Variants in TSHZ2 observed in about 807,000 individuals in gnomAD.
TSHZ2 encodes teashirt zinc finger homeobox 2, also known as teashirt homolog 2.
TSHZ2 carries 21 observed loss-of-function variants against 74.4 expected under a neutral mutation model. The ratio of observed to expected loss-of-function variants is 0.28; its 90% confidence interval spans 0.20 to 0.41. The LOEUF is 0.41. TSHZ2 is among the 10% of genes least tolerant of loss of function. The probability of loss-of-function intolerance (pLI) is 1.00; values close to 1 mark genes in which losing one functional copy is unlikely to be tolerated. For synonymous variants in TSHZ2, 540 were observed against 515.3 expected (o/e 1.05, Z -0.65); for missense variants, 1,244 against 1,293.5 (o/e 0.96, Z 0.59).
chr20:53,473,654 GGAGAAT>G (rs1336568284), intron 2 of TSHZ2, among the ~76,000 whole-genome samples: 2 of 150,728 alleles, frequency 1.3e-5, no homozygotes, highest in African/African-American at 4.9e-5. Context: ...AAAGCTGGAT[GGAGAAT>G]GACTTTGACG....
At chr20:53,432,712 G>A (rs967523082) in intron 2 of TSHZ2, among the ~76,000 whole-genome samples, 4 of 152,006 alleles carry the variant, frequency 2.6e-5, no homozygotes, top group African/African-American at 9.7e-5. Flanking sequence ...TAATCATCAG[G>A]GAAAAGCAAA....
intron 1 of TSHZ2, among the ~76,000 whole-genome samples, chr20:53,024,267 CA>C (rs1019029075): frequency 5.9e-5 from 9 of 151,948 alleles, no homozygotes; most frequent in African/African-American, 2.2e-4. Flanking sequence ...TTGACGTTTT[CA>C]GGGGAAACCA....
At chr20:53,384,763 T>A (rs1202564628) in intron 2 of TSHZ2, among the ~76,000 whole-genome samples, 1 of 152,260 alleles carries the variant, frequency 6.6e-6, no homozygotes, top group Non-Finnish European at 1.5e-5. Context: ...AGTGGTTTTT[T>A]TAGACATCAA....
rs556780288 is a variant in TSHZ2, at chr20:53,235,334, A to T, written c.41-18165A>T. ...AGGCGTGGACCACCATACCCAGCCAATTTTTTTGTATTTTTAGTAGAGACG... is the reference window on the plus strand; with the variant it reads ...AGGCGTGGACCACCATACCCAGCCATTTTTTTTGTATTTTTAGTAGAGACG... On this transcript the variant is annotated intron_variant, in intron 1 of 2. Transcript: ENST00000371497. Among the ~76,000 whole-genome samples, 4 of 151,232 alleles carry T rather than the reference A, an allele frequency of 2.6e-5. No individual in the cohort carries two copies. The South Asian group carries it at 8.4e-4, about 32-fold the overall frequency.
chr20:53,220,685 G>T (rs1989534269), intron 1 of TSHZ2, among the ~76,000 whole-genome samples: 1 of 152,182 alleles, frequency 6.6e-6, no homozygotes, highest in Non-Finnish European at 1.5e-5. Context: ...AAAGCTTGCT[G>T]ACTGCTCCCG....
At chr20:53,005,939 G>A (rs1982628243) in intron 1 of TSHZ2, among the ~76,000 whole-genome samples, 1 of 151,976 alleles carries the variant, frequency 6.6e-6, no homozygotes, top group African/African-American at 2.4e-5. Flanking sequence ...TAGCTTTAAA[G>A]GCATCAAGTT....
rs756510957 is a variant in TSHZ2 at position 53,255,416 on chromosome 20, A to G, written c.1958A>G (p.Glu653Gly). 6 of 1,613,326 alleles carry G rather than the reference A, an allele frequency of 3.7e-6. No homozygotes were observed. The South Asian group carries it at 6.6e-5, about 18-fold the overall frequency. Residue 653 changes from glutamate (E) to glycine (G), a missense_variant, in exon 2 of 3, where the codon GAG becomes GGG. Glu to Gly is a moderately conservative substitution (Grantham distance 98). Coordinates refer to ENST00000371497, the MANE Select transcript of TSHZ2 (RefSeq NM_173485.6). This position sits in a 1 kb window ranked among gnomAD's most constrained non-coding sequence, Gnocchi z 4.1. ...AAGACCGAGCTGGGTCCCCTGAAGG[A>G]GGAGGAGAAGCTGATGAAAGAGGGC... Reference protein sequence around the residue: ...AKKTELGPLKEEEKLMKEGSE... With the variant: ...AKKTELGPLKGEEKLMKEGSE...
chr20:53,191,873 G>A (rs1988744934), intron 1 of TSHZ2, among the ~76,000 whole-genome samples: 1 of 152,148 alleles, frequency 6.6e-6, no homozygotes, highest in Non-Finnish European at 1.5e-5. Context: ...ACATGTGATT[G>A]TTTCTATATT....
chr20:53,184,185 T>C (rs1299962533), intron 1 of TSHZ2, among the ~76,000 whole-genome samples: 1 of 152,224 alleles, frequency 6.6e-6, no homozygotes, highest in Non-Finnish European at 1.5e-5. Flanking sequence ...ATGCATTCTC[T>C]CCTTCCTTCA....
At chr20:53,460,910 A>G (rs908598404) in intron 2 of TSHZ2, among the ~76,000 whole-genome samples, 1 of 152,246 alleles carries the variant, frequency 6.6e-6, no homozygotes, top group African/African-American at 2.4e-5. Context: ...TCAGATCTCC[A>G]GCTGCGTACT....
chr20:53,375,397 G>A (rs1370465326), intron 2 of TSHZ2, among the ~76,000 whole-genome samples: 3 of 152,326 alleles, frequency 2.0e-5, no homozygotes, highest in East Asian at 3.9e-4. Flanking sequence ...TAAATGAGGA[G>A]ATGAAATGAC....
intron 2 of TSHZ2, among the ~76,000 whole-genome samples, chr20:53,479,169 TAAAAAAAAAA>T (rs71194483): frequency 7.9e-6 from 1 of 126,272 alleles, no homozygotes; most frequent in African/African-American, 2.8e-5. Context: ...TGTCTCAATT[TAAAAAAAAAA>T]AAAAAAAAAG....
At chr20:53,017,491 T>C (rs1351481662) in intron 1 of TSHZ2, among the ~76,000 whole-genome samples, 1 of 152,202 alleles carries the variant, frequency 6.6e-6, no homozygotes, top group Non-Finnish European at 1.5e-5. Context: ...GAAAAAGATA[T>C]AACTCGTGGC....
intron 1 of TSHZ2, among the ~76,000 whole-genome samples, chr20:53,183,189 G>A (rs961662591): frequency 9.9e-5 from 15 of 152,158 alleles, no homozygotes; most frequent in African/African-American, 3.4e-4. Flanking sequence ...TTCCCACCCT[G>A]TGCTGATGTG....
Position 53,254,397 on chromosome 20 carries a change from C to T in TSHZ2, c.939C>T (p.Ser313=), listed in dbSNP as rs754663526. ...TGAAGGAGCCAGTCCCAACCATTTC[C>T]TCGAAAATGGTCACCCCGGCTAAGA... The part of the protein sequence containing the change: ...VPLKEPVPTI[S]SKMVTPAKKR... The change falls in exon 2 of 3, where the codon TCC becomes TCT. Residue 313 remains serine, a synonymous_variant. Coordinates refer to ENST00000371497, the MANE Select transcript of TSHZ2 (RefSeq NM_173485.6). 1 of 1,613,892 alleles carries T rather than the reference C, an allele frequency of 6.2e-7. No homozygotes were observed. The highest frequency in any genetic ancestry group is 1.1e-5 in the South Asian group (1 of 91,074).
chr20:53,473,270 G>A (rs1372532687), intron 2 of TSHZ2, among the ~76,000 whole-genome samples: 2 of 143,570 alleles, frequency 1.4e-5, no homozygotes, highest in Admixed American at 6.9e-5. Flanking sequence ...TGACAGCTTT[G>A]AAGAGAGCAG....
At chr20:53,367,335 C>T (rs1211248203) in intron 2 of TSHZ2, among the ~76,000 whole-genome samples, 3 of 151,538 alleles carry the variant, frequency 2.0e-5, no homozygotes, top group Non-Finnish European at 2.9e-5. Context: ...ACCTGGGAGG[C>T]GGAGGCTGCA....
intron 2 of TSHZ2, among the ~76,000 whole-genome samples, chr20:53,361,460 C>T (rs1981050911): frequency 6.6e-6 from 1 of 152,170 alleles, no homozygotes; most frequent in East Asian, 1.9e-4. Flanking sequence ...GATCTGGCCA[C>T]AAAATCAGAA....
intron 1 of TSHZ2, among the ~76,000 whole-genome samples, chr20:53,133,730 G>A (rs1987167681): frequency 6.6e-6 from 1 of 152,010 alleles, no homozygotes. Context: ...ATAGTATTGG[G>A]AGCATTGTCC....
Sources: gnomAD v4.1 joint callset for allele counts (sites outside exome capture counted in the v4.1 genomes callset) on GRCh38, gnomAD v4.1.1 for gene constraint, Gnocchi (gnomAD v3.1) non-coding constraint, MANE v1.5 for transcripts, NCBI Gene and HGNC (gene_info 2026-07-23, HGNC 2026-07-21) for gene names.